CNTLN: variants seen among roughly 807,000 people sequenced by gnomAD.
The protein encoded by CNTLN is centlein.
A neutral mutation model predicts 180.0 loss-of-function variants in CNTLN; 212 were observed. The ratio of observed to expected loss-of-function variants is 1.18; its 90% CI spans 1.05 to 1.32. The LOEUF is 1.32. Among genes scored for constraint, CNTLN ranks in the 40% most tolerant of loss-of-function variants. The pLI, the probability that CNTLN is intolerant of heterozygous loss-of-function variation, is 0.00. For missense variants in CNTLN, 2,095 were observed against 1,610.9 expected, an observed-to-expected ratio of 1.30 and a Z score of -5.14; for synonymous variants, 722 against 563.1, an observed-to-expected ratio of 1.28 and a Z score of -3.99.
Position 17,494,968 on chromosome 9 carries a change from G to A in CNTLN, c.4120-7583G>A, listed in dbSNP as rs1485439184. 7.9e-5 allele frequency: 34 copies of A among 432,066 alleles called. 1 individual carries two copies. The East Asian group carries it at 9.2e-4, about 12-fold the overall frequency. 26.8% of individuals were successfully genotyped at this position (432,066 alleles called of 1,614,324 possible). A position where few individuals can be genotyped will look rare whatever the true frequency, so the allele number is the denominator to read the frequency against. ...GCAATCGTGGCTCACCAAAACCTCC[G>A]CCTGCCAGACTCGAGCAGTTCTGCC... On this transcript the variant is annotated intron_variant, in intron 25 of 25. Coordinates refer to ENST00000380647, the MANE Select transcript of CNTLN (RefSeq NM_017738.4).
chr9:17,274,463 A>G (rs901629435), intron 6 of CNTLN, among the ~76,000 whole-genome samples: 6 of 140,834 alleles, frequency 4.3e-5, no homozygotes, highest in Non-Finnish European at 7.7e-5. Flanking sequence ...ATATCTATCT[A>G]TCTATCTATC....
At chr9:17,301,712 C>A (rs632265) in intron 7 of CNTLN, 374,114 of 945,108 alleles carry the variant, frequency 0.4, 76,308 homozygotes, top group South Asian at 0.62. Flanking sequence ...AAATATTCTT[C>A]TTATTTATTT....
intron 13 of CNTLN, among the ~76,000 whole-genome samples, chr9:17,373,198 G>T (rs1219206515): frequency 6.6e-6 from 1 of 152,064 alleles, no homozygotes; most frequent in East Asian, 1.9e-4. Flanking sequence ...ATCTTTATTT[G>T]CCAATGATAA....
At chr9:17,398,978 T>C (rs554214578) in intron 15 of CNTLN, among the ~76,000 whole-genome samples, 48 of 152,344 alleles carry the variant, frequency 3.2e-4, no homozygotes, top group African/African-American at 1.1e-3. Flanking sequence ...GAGTCCCTAA[T>C]GAGCCTGGAG....
intron 2 of CNTLN, among the ~76,000 whole-genome samples, chr9:17,170,104 A>C (rs1450913078): frequency 6.6e-6 from 1 of 152,034 alleles, no homozygotes; most frequent in Non-Finnish European, 1.5e-5. Context: ...TCTTTCATGT[A>C]GTTGGTTAGA....
At chr9:17,311,267 C>T (rs1462413549) in intron 8 of CNTLN, among the ~76,000 whole-genome samples, 1 of 151,814 alleles carries the variant, frequency 6.6e-6, no homozygotes, top group Non-Finnish European at 1.5e-5. Flanking sequence ...TCAGGTGATC[C>T]ACCCGCCGTG....
In CNTLN at chr9:17,222,641, C is replaced by A. The variant is rs145251770; in HGVS notation, c.450-3562C>A. 5.1e-3 allele frequency among the ~76,000 whole-genome samples: 774 copies of A among 152,134 alleles called. 5 individuals are homozygous for A. The highest frequency in any genetic ancestry group is 8.1e-3 in the Non-Finnish European group (547 of 67,948). ...ATGTCGAACTGTAAGTCCAAGTAAA[C>A]CTCTTTTTCTTCCCAGTCTCGGGTA... On this transcript the variant is annotated intron_variant, in intron 2 of 25. Coordinates refer to ENST00000380647, the MANE Select transcript of CNTLN (RefSeq NM_017738.4).
chr9:17,518,893 A>G, the CNTLN span, among the ~76,000 whole-genome samples: 12,553 of 152,090 alleles, frequency 0.083, 1,484 homozygotes, highest in African/African-American at 0.26. Flanking sequence ...ATCTATGAAT[A>G]AGAAATAAGC....
intron 5 of CNTLN, among the ~76,000 whole-genome samples, chr9:17,258,805 G>A (rs1449350675): frequency 6.9e-6 from 1 of 145,326 alleles, no homozygotes; most frequent in Non-Finnish European, 1.5e-5. Context: ...GAATGCTTGT[G>A]ATTTTTGTAC....
intron 6 of CNTLN, among the ~76,000 whole-genome samples, chr9:17,290,581 G>A (rs1390653999): frequency 7.1e-6 from 1 of 140,304 alleles, no homozygotes; most frequent in African/African-American, 2.6e-5. Flanking sequence ...AGGAAGCCTG[G>A]GCAATGGCGG....
chr9:17,348,236 T>G (rs1482571786), intron 12 of CNTLN, among the ~76,000 whole-genome samples: 1 of 152,166 alleles, frequency 6.6e-6, no homozygotes, highest in Admixed American at 6.5e-5. Flanking sequence ...TGCAAAAGCT[T>G]TACACCATCA....
At chr9:17,343,971 A>G (rs915144429) in intron 12 of CNTLN, among the ~76,000 whole-genome samples, 27 of 152,312 alleles carry the variant, frequency 1.8e-4, no homozygotes, top group East Asian at 5.8e-4. Context: ...TTCACTTAGC[A>G]TAACGTTTTC....
chr9:17,316,862 T>C (rs1389429367), intron 8 of CNTLN, among the ~76,000 whole-genome samples: 2 of 152,148 alleles, frequency 1.3e-5, no homozygotes, highest in Non-Finnish European at 1.5e-5. Flanking sequence ...AGCAATCTCA[T>C]AGAAATTCAT....
Position 17,321,132 on chromosome 9 carries a change from T to G in CNTLN, c.1342-9500T>G, listed in dbSNP as rs1291054708. 2.0e-5 allele frequency among the ~76,000 whole-genome samples: 3 copies of G among 152,372 alleles called. No homozygotes were observed. In the East Asian group the frequency reaches 5.8e-4, roughly 29 times the overall value. ...TTGTAAATATTCTGTCAGCTTGTATTTTTATCTTGTTTGCTTACAGATACA... is the reference window on the plus strand; with the variant it reads ...TTGTAAATATTCTGTCAGCTTGTATGTTTATCTTGTTTGCTTACAGATACA... On this transcript the variant is annotated intron_variant, in intron 8 of 25. Transcript: ENST00000380647.
chr9:17,519,210 G>C, the CNTLN span, among the ~76,000 whole-genome samples: 3 of 149,238 alleles, frequency 2.0e-5, no homozygotes, highest in Admixed American at 6.7e-5. Flanking sequence ...TTACCAGCGT[G>C]AACCACTGCC....
At chr9:17,206,759 C>A (rs1017731451) in intron 2 of CNTLN, among the ~76,000 whole-genome samples, 3 of 152,170 alleles carry the variant, frequency 2.0e-5, no homozygotes, top group Non-Finnish European at 4.4e-5. Flanking sequence ...TATGAGTGAG[C>A]CCCTTTAGGC....
In CNTLN at chr9:17,409,458, T is replaced by C. The variant is rs770750464; in HGVS notation, c.2781T>C (p.Asp927=). ...TAGTACAGACATATTTAAATATAGATGGCAAGACCCCAAAGGTAAATGACA... is the reference window on the plus strand; with the variant it reads ...TAGTACAGACATATTTAAATATAGACGGCAAGACCCCAAAGGTAAATGACA... The part of the protein sequence containing the change: ...KEIVQTYLNI[D]GKTPKDYFHD... Residue 927 remains aspartate (D), a synonymous_variant, in exon 16 of 26, where the codon GAT becomes GAC. Transcript: ENST00000380647. 1 of 1,599,204 alleles carries C rather than the reference T, an allele frequency of 6.3e-7. No individual in the cohort carries two copies. Among genetic ancestry groups the C allele is most frequent in the African/African-American group, 1.4e-5 (1 of 73,812 alleles).
At chr9:17,262,009 T>G (rs1184054515) in intron 5 of CNTLN, among the ~76,000 whole-genome samples, 1 of 151,492 alleles carries the variant, frequency 6.6e-6, no homozygotes, top group Non-Finnish European at 1.5e-5. Context: ...GAAATGCATA[T>G]CAAAACCACT....
chr9:17,421,971 C>G (rs1318183359), intron 18 of CNTLN, among the ~76,000 whole-genome samples: 3 of 152,104 alleles, frequency 2.0e-5, no homozygotes, highest in Non-Finnish European at 2.9e-5. Flanking sequence ...TATGTACATG[C>G]TATTACCAGT....
Sources: gnomAD v4.1 joint callset for allele counts (sites outside exome capture counted in the v4.1 genomes callset) on GRCh38, gnomAD v4.1.1 for gene constraint, MANE v1.5 for transcripts, NCBI Gene and HGNC (gene_info 2026-07-23, HGNC 2026-07-21) for gene names.